RPL39L: variants seen among roughly 807,000 people sequenced by gnomAD.
RPL39L encodes ribosomal protein L39 like.
For synonymous variants in RPL39L, 16 were observed against 20.1 expected (o/e 0.80, Z 0.55); for missense variants, 48 against 58.9 (o/e 0.81, Z 0.61).
intron 1 of RPL39L, among the ~76,000 whole-genome samples, chr3:187,137,083 T>C (rs1221046504): frequency 6.6e-6 from 1 of 150,556 alleles, no homozygotes; most frequent in Non-Finnish European, 1.5e-5. Flanking sequence ...GGTGCATGCC[T>C]GTGATCGGGA....
At chr3:187,130,858 A>G (rs564212099) in intron 1 of RPL39L, among the ~76,000 whole-genome samples, 1 of 152,280 alleles carries the variant, frequency 6.6e-6, no homozygotes, top group South Asian at 2.1e-4. Context: ...CTGTTCTTAC[A>G]AGTTTTTTTC....
rs568642012 is a variant in RPL39L, at chr3:187,125,105, C to T, written c.-29+2894G>A. On this transcript the variant is annotated intron_variant, in intron 2 of 2. Transcript: ENST00000296277. ...TACTAAATAAGGCAAATACCTACAT[C>T]CCAGACAACAAAACACATGGGATGC... Among the ~76,000 whole-genome samples, 16 of 152,220 alleles carry T rather than the reference C, an allele frequency of 1.1e-4. 1 individual carries two copies. In the South Asian group the frequency reaches 2.5e-3, roughly 24 times the overall value.
rs116560212 is a variant in RPL39L at position 187,121,269 on chromosome 3, C to T, written c.32G>A (p.Arg11Gln). The change falls in exon 3 of 3, where the codon CGA becomes CAA. Residue 11 changes from arginine (R) to glutamine (Q), a missense_variant. By Grantham distance (43) the Arg-to-Gln change is conservative. Transcript: ENST00000296277. MSSHKTFTIK[R>Q]FLAKKQKQNR... Reference sequence around the variant, plus strand: ...TTGCTTTTGTTTCTTGGCCAGGAATCGCTTAATGGTGAAAGTCTTGTGAGA... The same window carrying T: ...TTGCTTTTGTTTCTTGGCCAGGAATTGCTTAATGGTGAAAGTCTTGTGAGA... The T allele has an allele frequency of 9.3e-6, 15 of 1,613,820 alleles. No individual in the cohort carries two copies. The highest frequency in any genetic ancestry group is 1.6e-4 in the Middle Eastern group (1 of 6,078).
chr3:187,123,729 T>C (rs1372628465), intron 2 of RPL39L, among the ~76,000 whole-genome samples: 4 of 152,216 alleles, frequency 2.6e-5, no homozygotes. Context: ...GAAAGTCTTC[T>C]GTAAGAAAAA....
chr3:187,133,581 C>T (rs1051481538), intron 1 of RPL39L, among the ~76,000 whole-genome samples: 2 of 151,990 alleles, frequency 1.3e-5, no homozygotes, highest in East Asian at 1.9e-4. Flanking sequence ...AAAATCTGCC[C>T]AGACCTTTCC....
chr3:187,139,015 A>C (rs1481975709), intron 1 of RPL39L, among the ~76,000 whole-genome samples, 198 bp downstream of exon 1: 1 of 152,198 alleles, frequency 6.6e-6, no homozygotes, highest in Non-Finnish European at 1.5e-5. Flanking sequence ...CCGAGATCAC[A>C]CCACTGCACT....
intron 1 of RPL39L, among the ~76,000 whole-genome samples, chr3:187,138,739 CAG>C (rs1262495062): frequency 2.6e-5 from 4 of 152,114 alleles, no homozygotes; most frequent in South Asian, 2.1e-4. Context: ...AAGCTAGAAA[CAG>C]GGGGTGCCTG....
intron 2 of RPL39L, among the ~76,000 whole-genome samples, chr3:187,122,513 T>C (rs1011800294): frequency 6.6e-6 from 1 of 152,184 alleles, no homozygotes; most frequent in African/African-American, 2.4e-5. Flanking sequence ...AGCTATTATC[T>C]TGGTTTCTGT....
intron 1 of RPL39L, among the ~76,000 whole-genome samples, chr3:187,135,137 G>A (rs565098286): frequency 2.6e-4 from 39 of 152,274 alleles, no homozygotes; most frequent in African/African-American, 9.1e-4. Flanking sequence ...CACCCTGATG[G>A]GGCAATCTCA....
At chr3:187,121,473 A>C in intron 2 of RPL39L, 145 bp from the exon 3 acceptor site, 20 of 775,098 alleles carry the variant, frequency 2.6e-5, no homozygotes, top group Non-Finnish European at 3.3e-5. Flanking sequence ...CAGGCAGCTC[A>C]GGAGCAGCTC....
At chr3:187,132,027 G>A (rs899913051) in intron 1 of RPL39L, among the ~76,000 whole-genome samples, 5 of 152,074 alleles carry the variant, frequency 3.3e-5, no homozygotes, top group African/African-American at 7.2e-5. Context: ...ACATGATAAC[G>A]CTTTCGTCGT....
At chr3:187,124,189 A>ACATACCT (rs1720359366) in intron 2 of RPL39L, among the ~76,000 whole-genome samples, 1 of 152,220 alleles carries the variant, frequency 6.6e-6, no homozygotes, top group Non-Finnish European at 1.5e-5. Flanking sequence ...ATATTGAATT[A>ACATACCT]CATACCTCTG....
chr3:187,138,996 TGCAGTGA>T (rs1720637094), intron 1 of RPL39L, among the ~76,000 whole-genome samples: 1 of 150,608 alleles, frequency 6.6e-6, no homozygotes, highest in Non-Finnish European at 1.5e-5. Context: ...AGGCGGAGGT[TGCAGTGA>T]GCCGAGATCA....
Position 187,139,468 on chromosome 3 carries a change from A to G in RPL39L, c.-348T>C, listed in dbSNP as rs376813882. 5 of 152,070 alleles carry G rather than the reference A, an allele frequency of 3.3e-5. No individual in the cohort carries two copies. Among genetic ancestry groups the G allele is most frequent in the African/African-American group, 1.2e-4 (5 of 41,408 alleles). The allele number at this position is 152,070 out of a possible 1,614,324, so 9.4% of individuals were successfully genotyped here. Reference sequence around the variant, plus strand: ...GTTGCCTCGCTGGGCGCAGCAATTCAACCGCCGCGCGCCGGATGCTAAGAC... The same window carrying G: ...GTTGCCTCGCTGGGCGCAGCAATTCGACCGCCGCGCGCCGGATGCTAAGAC... On this transcript the variant is annotated 5_prime_UTR_variant, in exon 1 of 3. Coordinates refer to ENST00000296277, the MANE Select transcript of RPL39L (RefSeq NM_052969.3).
chr3:187,122,516 G>C (rs16861630), intron 2 of RPL39L, among the ~76,000 whole-genome samples: 7,202 of 152,182 alleles, frequency 0.047, 181 homozygotes, highest in African/African-American at 0.07. Context: ...TATTATCTTG[G>C]TTTCTGTCTT....
chr3:187,132,782 A>G (rs1720508133), intron 1 of RPL39L, among the ~76,000 whole-genome samples: 1 of 152,242 alleles, frequency 6.6e-6, no homozygotes. Context: ...GAGGTTAGGA[A>G]GACCAACTGG....
intron 2 of RPL39L, among the ~76,000 whole-genome samples, chr3:187,125,713 G>A (rs548678458): frequency 7.9e-5 from 12 of 152,114 alleles, no homozygotes; most frequent in African/African-American, 2.7e-4. Context: ...TGGCTGGAGC[G>A]AGGAGATGGA....
At chr3:187,128,546 G>A (rs1417990196) in intron 1 of RPL39L, among the ~76,000 whole-genome samples, 3 of 151,986 alleles carry the variant, frequency 2.0e-5, no homozygotes, top group Non-Finnish European at 4.4e-5. Context: ...GTCTCATTCT[G>A]TTGTCCATGC....
rs1028863126 is a variant in RPL39L at position 187,139,206 on chromosome 3, T to C, written c.-93+7A>G. ...CTGGCGGCGGGTGAGGAGGAACCTT[T>C]ACTTACCGGCGCCCTGGCCTCTGCT... On this transcript the variant is annotated splice_region_variant and intron_variant, in intron 1 of 2. Coordinates refer to ENST00000296277, the MANE Select transcript of RPL39L (RefSeq NM_052969.3). 1.3e-5 allele frequency: 2 copies of C among 152,436 alleles called. No homozygotes were observed. The highest frequency in any genetic ancestry group is 4.8e-5 in the African/African-American group (2 of 41,452). The allele number at this position is 152,436 out of a possible 1,614,324, so 9.4% of individuals were successfully genotyped here. A position where few individuals can be genotyped will look rare whatever the true frequency, so the allele number is the denominator to read the frequency against.
Sources: gnomAD v4.1 joint callset for allele counts (sites outside exome capture counted in the v4.1 genomes callset) on GRCh38, gnomAD v4.1.1 for gene constraint, MANE v1.5 for transcripts, NCBI Gene and HGNC (gene_info 2026-07-23, HGNC 2026-07-21) for gene names.